Variants in WDR74 observed in about 807,000 individuals in gnomAD.
The protein encoded by WDR74 is WD repeat domain 74, also known as WD repeat-containing protein 74.
A neutral mutation model predicts 45.6 loss-of-function variants in WDR74; 31 were observed. That is an observed-to-expected ratio of 0.68 (90% CI 0.51 to 0.92). WDR74 has a LOEUF of 0.92. WDR74 is among the 40% of genes least tolerant of loss of function. The pLI, the probability that WDR74 is intolerant of heterozygous loss-of-function variation, is 0.00. For synonymous variants in WDR74, 191 were observed against 192.4 expected (o/e 0.99, Z 0.06); for missense variants, 455 against 497.2 (o/e 0.92, Z 0.81).
upstream of WDR74, chr11:62,841,657 T>G (rs939760324): frequency 7.9e-5 from 12 of 152,224 alleles, no homozygotes; most frequent in African/African-American, 2.2e-4. Flanking sequence ...CAATACCAGG[T>G]CGATGCGTGG....
intron 3 of WDR74, among the ~76,000 whole-genome samples, chr11:62,838,230 G>A (rs1488781396): frequency 1.3e-5 from 2 of 152,108 alleles, no homozygotes; most frequent in Non-Finnish European, 2.9e-5. Flanking sequence ...TCTGCTCACT[G>A]CAACCTCTGC....
In WDR74 at chr11:62,833,143, G is replaced by T. The variant is rs367719777; in HGVS notation, c.979-12C>A. Reference sequence around the variant, plus strand: ...TCTTGGGGCTCATCCTGGTGAGTGGGAAGAAAGCTTAGGAGTCAGGGGGGC... The same window carrying T: ...TCTTGGGGCTCATCCTGGTGAGTGGTAAGAAAGCTTAGGAGTCAGGGGGGC... On this transcript the variant is annotated splice_polypyrimidine_tract_variant and intron_variant, in intron 10 of 10. Transcript: ENST00000278856. The T allele has an allele frequency of 4.0e-5, 64 of 1,611,744 alleles. No homozygotes were observed. Among genetic ancestry groups the T allele is most frequent in the African/African-American group, 6.7e-5 (5 of 74,718 alleles).
intron 10 of WDR74, 39 bp downstream of exon 10, chr11:62,833,579 A>G: frequency 6.4e-7 from 1 of 1,550,896 alleles, no homozygotes; most frequent in African/African-American, 1.4e-5. Context: ...CCTCACATCT[A>G]TGCCCTTGGC....
chr11:62,834,863 G>C, intron 6 of WDR74: 2 of 325,948 alleles, frequency 6.1e-6, no homozygotes, highest in Non-Finnish European at 1.1e-5. Context: ...GGGTTAGCCT[G>C]AATGAAGGAG....
intron 3 of WDR74, chr11:62,836,348 C>T (rs2084959787): frequency 2.9e-6 from 1 of 342,670 alleles, no homozygotes; most frequent in Non-Finnish European, 5.6e-6. Flanking sequence ...ATTTGCCACT[C>T]AGCTATGTTA....
chr11:62,835,872 C>G, intron 4 of WDR74, 31 bp from the exon 5 acceptor site: 2 of 1,597,990 alleles, frequency 1.3e-6, no homozygotes, highest in Non-Finnish European at 1.7e-6. Context: ...GAGTCCGTTC[C>G]AGAGTCCTTA....
chr11:62,839,437 C>T lies in WDR74; in HGVS notation c.65-9G>A. Reference sequence around the variant, plus strand: ...TCGCTGAAGATTTACCCCTGAGAGACGAAGGCGTCAGTCACGCCAGGGGCG... The same window carrying T: ...TCGCTGAAGATTTACCCCTGAGAGATGAAGGCGTCAGTCACGCCAGGGGCG... On this transcript the variant is annotated splice_polypyrimidine_tract_variant and intron_variant, in intron 1 of 10. Transcript: ENST00000278856. 1 of 1,613,532 alleles carries T rather than the reference C, an allele frequency of 6.2e-7. No individual in the cohort carries two copies. The highest frequency in any genetic ancestry group is 1.1e-5 in the South Asian group (1 of 91,090).
chr11:62,841,509 C>G (rs529431464), upstream of WDR74: 1 of 152,268 alleles, frequency 6.6e-6, no homozygotes, highest in African/African-American at 2.4e-5. Context: ...ATTCAACACA[C>G]TAGCGATAAA....
At position 62,833,457 on chromosome 11, in the gene WDR74, T is replaced by C. The variant is rs1344921610; in HGVS notation, c.978+161A>G. The C allele has an allele frequency of 2.5e-5, 22 of 891,132 alleles. 1 individual carries two copies. The highest frequency in any genetic ancestry group is 3.2e-5 in the Non-Finnish European group (19 of 595,110). 55.2% of individuals were successfully genotyped at this position (891,132 alleles called of 1,614,324 possible). A position where few individuals can be genotyped will look rare whatever the true frequency, so the allele number is the denominator to read the frequency against. Reference sequence around the variant, plus strand: ...CCATCCATGCTGTTGGCAATAACCCTCTCAGGATTTTAACTGTTAATGCCT... The same window carrying C: ...CCATCCATGCTGTTGGCAATAACCCCCTCAGGATTTTAACTGTTAATGCCT... On this transcript the variant is annotated intron_variant, in intron 10 of 10. Coordinates refer to ENST00000278856, the MANE Select transcript of WDR74 (RefSeq NM_001369450.1).
At position 62,833,882 on chromosome 11, in the gene WDR74, G is replaced by T; in HGVS notation, c.831C>A (p.Cys277Ter). The T allele has an allele frequency of 6.2e-7, 1 of 1,613,954 alleles. No individual in the cohort carries two copies. Among genetic ancestry groups the T allele is most frequent in the Non-Finnish European group, 8.5e-7 (1 of 1,179,892 alleles). Residue 277 changes from cysteine to a stop codon, truncating the protein, a stop_gained, in exon 9 of 11, where the codon TGC becomes TGA. Coordinates refer to ENST00000278856, the MANE Select transcript of WDR74 (RefSeq NM_001369450.1). LOFTEE classifies it high-confidence loss of function. ...GLAGSVRGLQ[C>*]HPSKPLLASC... ...AGGCTAGTAGAGGCTTTGAAGGGTG[G>T]CACTGCAACCCACGCACACTGCCTG...
intron 3 of WDR74, among the ~76,000 whole-genome samples, chr11:62,838,255 C>A (rs912685971): frequency 1.3e-5 from 2 of 152,012 alleles, no homozygotes; most frequent in Non-Finnish European, 2.9e-5. Context: ...CGGATTCAAG[C>A]GATTCTCCAG....
chr11:62,841,526 T>A (rs886289999), upstream of WDR74: 1 of 151,894 alleles, frequency 6.6e-6, no homozygotes, highest in African/African-American at 2.4e-5. Context: ...TAAAAACACC[T>A]AATCCAACTC....
Position 62,833,141 on chromosome 11 carries a change from G to T in WDR74, c.979-10C>A. The T allele has an allele frequency of 6.2e-7, 1 of 1,611,910 alleles. No individual in the cohort carries two copies. On this transcript the variant is annotated splice_polypyrimidine_tract_variant and intron_variant, in intron 10 of 10. Transcript: ENST00000278856. ...GCTCTTGGGGCTCATCCTGGTGAGT[G>T]GGAAGAAAGCTTAGGAGTCAGGGGG...
Position 62,835,411 on chromosome 11 carries a change from G to A in WDR74, c.618+20C>T. 1 of 1,610,042 alleles carries A rather than the reference G, an allele frequency of 6.2e-7. No individual in the cohort carries two copies. Among genetic ancestry groups the A allele is most frequent in the Non-Finnish European group, 8.5e-7 (1 of 1,176,502 alleles). On this transcript the variant is annotated intron_variant, in intron 6 of 10. Coordinates refer to ENST00000278856, the MANE Select transcript of WDR74 (RefSeq NM_001369450.1). Reference sequence around the variant, plus strand: ...GGCTGCTTTATCCCAGGAGAAGGCAGGTGTGAGGTGACACCTTACCTGGTG... The same window carrying A: ...GGCTGCTTTATCCCAGGAGAAGGCAAGTGTGAGGTGACACCTTACCTGGTG...
chr11:62,838,760 C>CAAA (rs112966057), intron 3 of WDR74, among the ~76,000 whole-genome samples: 5 of 99,584 alleles, frequency 5.0e-5, no homozygotes, highest in African/African-American at 1.6e-4. Flanking sequence ...ACTCCGTCTC[C>CAAA]AAAAAAAAAA....
At chr11:62,839,032 C>A in intron 3 of WDR74, 82 bp downstream of exon 3, 1 of 1,574,354 alleles carries the variant, frequency 6.4e-7, no homozygotes. Context: ...TAAGAGTTTG[C>A]CTGTCGCCAT....
At chr11:62,836,457 G>A (rs1297025227) in intron 3 of WDR74, 1 of 179,502 alleles carries the variant, frequency 5.6e-6, no homozygotes, top group African/African-American at 2.4e-5. Flanking sequence ...TGAATCTTGA[G>A]TTGCTTACTA....
chr11:62,834,775 C>T, intron 6 of WDR74: 1 of 503,542 alleles, frequency 2.0e-6, no homozygotes, highest in Non-Finnish European at 3.6e-6. Context: ...TCCATCCCCC[C>T]ATACTCCCAT....
chr11:62,835,940 A>G (rs2084953258), intron 4 of WDR74, 21 bp downstream of exon 4: 2 of 1,587,696 alleles, frequency 1.3e-6, no homozygotes, highest in Non-Finnish European at 1.7e-6. Context: ...TCCCCCAACC[A>G]TCAGGGCAGG....
Sources: allele counts gnomAD v4.1 joint callset (sites outside exome capture counted in the v4.1 genomes callset), GRCh38; gene constraint gnomAD v4.1.1; transcripts MANE v1.5; gene names NCBI Gene and HGNC (gene_info 2026-07-23, HGNC 2026-07-21).